Variants in ARHGEF9 observed in about 807,000 individuals in gnomAD.
ARHGEF9 encodes Cdc42 guanine nucleotide exchange factor 9, also known as rho guanine nucleotide exchange factor 9.
A neutral mutation model predicts 41.3 loss-of-function variants in ARHGEF9; 2 were observed. That is an observed-to-expected ratio of 0.05 (90% CI 0.02 to 0.15). The LOEUF (loss-of-function observed/expected upper bound fraction) is 0.15, where lower values mean the gene tolerates loss of function less well. ARHGEF9 is among the 10% of genes least tolerant of loss of function. ARHGEF9 has a pLI of 1.00. For missense variants in ARHGEF9, 225 were observed against 424.7 expected (o/e 0.53, Z 4.13); for synonymous variants, 160 against 154.4 (o/e 1.04, Z -0.27).
At chrX:63,721,294 G>T (rs1473529862) in intron 2 of ARHGEF9, among the ~76,000 whole-genome samples, 1 of 111,770 alleles carries the variant, frequency 8.9e-6, no homozygotes, top group East Asian at 2.8e-4. Flanking sequence ...GCCAAGAAAT[G>T]ATGGTAATGA....
At chrX:63,742,812 G>A (rs191870570) in intron 1 of ARHGEF9, among the ~76,000 whole-genome samples, 3 of 112,360 alleles carry the variant, frequency 2.7e-5, no homozygotes, top group Admixed American at 1.9e-4. Flanking sequence ...CCTGGACAAT[G>A]TGATATCCAG....
At chrX:63,687,846 C>T (rs151016018) in intron 4 of ARHGEF9, among the ~76,000 whole-genome samples, 2,869 of 109,252 alleles carry the variant, frequency 0.026, 66 homozygotes, top group African/African-American at 0.061. Flanking sequence ...AAATGAAGAA[C>T]GCCAACAAGA....
At chrX:63,767,379 C>T (rs2056129247) in intron 1 of ARHGEF9, 1 of 489,778 alleles carries the variant, frequency 2.0e-6, no homozygotes, top group African/African-American at 2.4e-5. Context: ...GAAGAAGTTA[C>T]TGGGAGCTGC....
In ARHGEF9 at chrX:63,638,170, G is replaced by A. The variant is rs1556301324; in HGVS notation, c.1430C>T (p.Pro477Leu). 1 of 1,197,383 alleles carries A rather than the reference G, an allele frequency of 8.4e-7. No homozygotes were observed. The highest frequency in any genetic ancestry group is 3.0e-5 in the East Asian group (1 of 33,267). Residue 477 changes from proline to leucine, a missense_variant, in exon 10 of 10, where the codon CCA (proline) becomes CTA (leucine). Pro to Leu is a moderately conservative substitution (Grantham distance 98). This residue lies in a region of ARHGEF9 where 75 missense variants were observed against 113.2 expected (regional missense o/e 0.66). Transcript: ENST00000671741. ...SARSVPPSYPPPQDPLNHGQY... is the reference protein window; with the variant it reads ...SARSVPPSYPLPQDPLNHGQY... ...GCCGTGGTTTAACGGGTCCTGCGGT[G>A]GTGGGTAGGAAGGAGGAACTGAGCG...
At chrX:63,673,832 A>T (rs2050102404) in intron 6 of ARHGEF9, among the ~76,000 whole-genome samples, 1 of 111,920 alleles carries the variant, frequency 8.9e-6, no homozygotes, top group African/African-American at 3.2e-5. Flanking sequence ...TTAATGAGGT[A>T]TCATCACAAA....
intron 1 of ARHGEF9, among the ~76,000 whole-genome samples, chrX:63,753,742 AGT>A (rs782506726): frequency 9.9e-5 from 11 of 111,645 alleles, no homozygotes; most frequent in Non-Finnish European, 1.7e-4. Context: ...AGGTTCAAGA[AGT>A]GTTTTAAATG....
intron 9 of ARHGEF9, chrX:63,640,708 G>T (rs1313926650): frequency 8.9e-6 from 1 of 111,946 alleles, no homozygotes; most frequent in Non-Finnish European, 1.9e-5. Context: ...CAGAGCAGTA[G>T]ACTGAGTTGA....
At chrX:63,709,340 A>G (rs1556405197) in intron 2 of ARHGEF9, among the ~76,000 whole-genome samples, 1 of 112,040 alleles carries the variant, frequency 8.9e-6, no homozygotes, top group Non-Finnish European at 1.9e-5. Flanking sequence ...AATACTTTGG[A>G]CCTATTCTGT....
intron 7 of ARHGEF9, chrX:63,656,883 T>C (rs1282878140): frequency 2.7e-5 from 3 of 112,261 alleles, no homozygotes; most frequent in South Asian, 3.7e-4. Context: ...TGGGTACTCA[T>C]TATATTATTT....
chrX:63,757,012 C>G (rs1434885860), intron 1 of ARHGEF9, among the ~76,000 whole-genome samples: 28 of 112,254 alleles, frequency 2.5e-4, no homozygotes, highest in African/African-American at 9.1e-4. Flanking sequence ...TTTGACTCCA[C>G]TGATGCCTTC....
chrX:63,682,545 C>T (rs1285437007), intron 4 of ARHGEF9, among the ~76,000 whole-genome samples: 4 of 109,920 alleles, frequency 3.6e-5, no homozygotes, highest in Non-Finnish European at 7.6e-5. Flanking sequence ...AAACTACAAG[C>T]CAGTATCACT....
intron 7 of ARHGEF9, among the ~76,000 whole-genome samples, chrX:63,663,331 T>C (rs1254976510): frequency 4.5e-5 from 5 of 111,646 alleles, no homozygotes; most frequent in Non-Finnish European, 9.4e-5. Context: ...ATTCTAGGAT[T>C]CATGAAACTC....
At chrX:63,773,074 A>G (rs1280224638) in intron 1 of ARHGEF9, among the ~76,000 whole-genome samples, 1 of 111,797 alleles carries the variant, frequency 8.9e-6, no homozygotes, top group Non-Finnish European at 1.9e-5. Flanking sequence ...AGAGATAGCT[A>G]AATGCATTTC....
At chrX:63,666,146 G>A in intron 6 of ARHGEF9, 129 bp from the exon 7 acceptor site, 4 of 891,256 alleles carry the variant, frequency 4.5e-6, no homozygotes, top group Non-Finnish European at 6.4e-6. Context: ...AGAGACAGAG[G>A]GAGAGAGGGA....
intron 9 of ARHGEF9, chrX:63,638,721 G>T (rs781881730): frequency 2.2e-4 from 67 of 298,202 alleles, no homozygotes; most frequent in African/African-American, 1.5e-3. Context: ...GTTTCTAGGA[G>T]AAATTTTCTA....
At chrX:63,754,736 TAGTCGGGGGAGGG>T in intron 1 of ARHGEF9, 1 of 950,814 alleles carries the variant, frequency 1.1e-6, no homozygotes, top group Non-Finnish European at 1.3e-6. Context: ...CGCCCGAGTT[TAGTCGGGGGAGGG>T]GAGGGGGATG....
chrX:63,669,848 G>T (rs2049826748), intron 6 of ARHGEF9, among the ~76,000 whole-genome samples: 1 of 111,703 alleles, frequency 9.0e-6, no homozygotes, highest in South Asian at 3.7e-4. Flanking sequence ...TTTCCCTACT[G>T]GAATATAAAT....
At chrX:63,695,070 T>C (rs1174465705) in intron 4 of ARHGEF9, among the ~76,000 whole-genome samples, 1 of 112,281 alleles carries the variant, frequency 8.9e-6, no homozygotes, top group Non-Finnish European at 1.9e-5. Flanking sequence ...AAGTATGTTA[T>C]CATTTCAAAA....
chrX:63,710,484 C>T (rs1229573166), intron 2 of ARHGEF9, among the ~76,000 whole-genome samples: 2 of 110,561 alleles, frequency 1.8e-5, no homozygotes, highest in African/African-American at 6.6e-5. Flanking sequence ...GCCCACCTTA[C>T]CAGATGCGAT....
Sources: allele counts gnomAD v4.1 joint callset (sites outside exome capture counted in the v4.1 genomes callset), GRCh38; gene constraint gnomAD v4.1.1; regional missense constraint gnomAD v4.1.1; transcripts MANE v1.5; gene names NCBI Gene and HGNC (gene_info 2026-07-23, HGNC 2026-07-21).